SLC4A4: variants seen among roughly 807,000 people sequenced by gnomAD.
SLC4A4 encodes the protein solute carrier family 4 member 4.
SLC4A4 carries 27 observed loss-of-function variants against 111.5 expected under a neutral mutation model. That is an observed-to-expected ratio of 0.24 (90% confidence interval 0.18 to 0.33). The LOEUF is 0.33. SLC4A4 is among the 10% of genes least tolerant of loss of function. The pLI, the probability that SLC4A4 is intolerant of heterozygous loss-of-function variation, is 1.00. For missense variants in SLC4A4, 909 were observed against 1,315.5 expected (o/e 0.69, Z 4.78); for synonymous variants, 443 against 463.4 (o/e 0.96, Z 0.57).
chr4:71,100,727 G>A (rs1742704911), intron 2 of SLC4A4, among the ~76,000 whole-genome samples: 1 of 152,034 alleles, frequency 6.6e-6, no homozygotes, highest in African/African-American at 2.4e-5. Context: ...GCTCCTTCAG[G>A]TGATAAACAA....
chr4:71,232,779 T>C (rs1719524169), intron 1 of SLC4A4, among the ~76,000 whole-genome samples: 1 of 152,216 alleles, frequency 6.6e-6, no homozygotes, highest in Non-Finnish European at 1.5e-5. Flanking sequence ...CTAAACATTT[T>C]AGTTAGGAAA....
At chr4:71,257,666 G>A (rs1419143343) in intron 3 of SLC4A4, among the ~76,000 whole-genome samples, 2 of 152,158 alleles carry the variant, frequency 1.3e-5, no homozygotes, top group African/African-American at 2.4e-5. Flanking sequence ...CCACATAACA[G>A]TTTCTGTTGT....
chr4:71,255,440 T>C (rs767902952), intron 3 of SLC4A4, 41 bp downstream of exon 3: 4 of 1,599,934 alleles, frequency 2.5e-6, no homozygotes, highest in South Asian at 2.2e-5. Flanking sequence ...TCTGCCTCAC[T>C]CCCACATCTT....
At chr4:71,197,214 C>A (rs1464358925) in intron 1 of SLC4A4, among the ~76,000 whole-genome samples, 1 of 151,750 alleles carries the variant, frequency 6.6e-6, no homozygotes, top group Non-Finnish European at 1.5e-5. Flanking sequence ...GATTCCGTCT[C>A]AAAAAAACAA....
In SLC4A4 at chr4:71,450,481, T is replaced by C. The variant is rs1577934521; in HGVS notation, c.1146T>C (p.Pro382=). ...EFLDEVIVLP[P]GEWDPAIRIE... is the part of the protein sequence containing the mutation. ...TAGATGAAGTCATCGTCCTTCCACC[T>C]GGGGAATGGGATCCAGCAATTAGGA... is the stretch of plus-strand genomic sequence containing the variant. Residue 382 remains proline, a synonymous_variant, in exon 10 of 26, where the codon CCT becomes CCC. Transcript: ENST00000264485. 1 of 1,613,878 alleles carries C rather than the reference T, an allele frequency of 6.2e-7. No individual in the cohort carries two copies. The highest frequency in any genetic ancestry group is 2.2e-5 in the East Asian group (1 of 44,822).
At chr4:71,326,865 AC>A (rs1396863466) in intron 3 of SLC4A4, among the ~76,000 whole-genome samples, 1 of 152,058 alleles carries the variant, frequency 6.6e-6, no homozygotes, top group Non-Finnish European at 1.5e-5. Context: ...CTACCTACAA[AC>A]TTTTGTCTCA....
chr4:71,067,112 T>A (rs1201860988), intron 1 of SLC4A4, among the ~76,000 whole-genome samples: 2 of 140,604 alleles, frequency 1.4e-5, no homozygotes, highest in African/African-American at 2.7e-5. Flanking sequence ...AATGGGGAAG[T>A]CTCTCACACA....
chr4:71,106,809 A>G (rs1193782990), intron 2 of SLC4A4, among the ~76,000 whole-genome samples: 6 of 142,886 alleles, frequency 4.2e-5, no homozygotes, highest in Non-Finnish European at 6.1e-5. Context: ...GCATTGGGAG[A>G]TATACCTAAT....
chr4:71,225,986 A>G (rs1349030068), intron 1 of SLC4A4, among the ~76,000 whole-genome samples: 1 of 152,226 alleles, frequency 6.6e-6, no homozygotes, highest in African/African-American at 2.4e-5. Context: ...GCTTATATTG[A>G]CATTTTGAAT....
rs1736614449 is a variant in SLC4A4, at chr4:71,557,898, T to A, written c.2937+13T>A. The A allele has an allele frequency of 6.3e-7, 1 of 1,595,816 alleles. No individual in the cohort carries two copies. The highest frequency in any genetic ancestry group is 1.1e-5 in the South Asian group (1 of 90,786). ...TTTTCCAGTAATGGTAGGGATTCCT[T>A]TAATTGAACGTACCTGTGAGATTAT... is the stretch of plus-strand genomic sequence containing the variant. On this transcript the variant is annotated intron_variant, in intron 22 of 25. Transcript: ENST00000264485.
chr4:71,425,877 C>G (rs1388234644), intron 7 of SLC4A4, among the ~76,000 whole-genome samples: 2 of 151,906 alleles, frequency 1.3e-5, no homozygotes, highest in Non-Finnish European at 2.9e-5. Context: ...TAGCAGGCTT[C>G]AGAGAGAATA....
intron 4 of SLC4A4, among the ~76,000 whole-genome samples, chr4:71,341,234 A>G (rs1272475553): frequency 2.0e-5 from 3 of 152,198 alleles, no homozygotes; most frequent in Non-Finnish European, 4.4e-5. Context: ...AGGATCTTAC[A>G]TAGATCTCTA....
intron 7 of SLC4A4, among the ~76,000 whole-genome samples, chr4:71,402,105 A>C (rs1720420963): frequency 6.6e-6 from 1 of 152,134 alleles, no homozygotes; most frequent in Non-Finnish European, 1.5e-5. Flanking sequence ...CTTGTGTTTG[A>C]AGTCTTGGTC....
chr4:71,446,585 C>T lies in SLC4A4; in HGVS notation c.966-1061C>T, dbSNP rs530043909. Among the ~76,000 whole-genome samples the T allele has an allele frequency of 4.6e-5, 7 of 152,328 alleles. No individual in the cohort carries two copies. In the South Asian group the frequency reaches 1.4e-3, roughly 32 times the overall value. On this transcript the variant is annotated intron_variant, in intron 8 of 25. Transcript: ENST00000264485. ...TCTTGGGCTCTTCCATTAACCTCCA[C>T]CAGCCTCATTTTCCTCACCATTAAA... is the stretch of plus-strand genomic sequence containing the variant.
intron 3 of SLC4A4, among the ~76,000 whole-genome samples, chr4:71,332,490 G>C (rs1055517697): frequency 1.3e-5 from 2 of 150,252 alleles, no homozygotes; most frequent in Non-Finnish European, 3.0e-5. Flanking sequence ...TGTCGCCCAG[G>C]CGGGAGTGCT....
At chr4:71,462,654 C>T (rs1179784771) in intron 12 of SLC4A4, among the ~76,000 whole-genome samples, 1 of 152,038 alleles carries the variant, frequency 6.6e-6, no homozygotes, top group Non-Finnish European at 1.5e-5. Flanking sequence ...GGTGATCTGT[C>T]CACCTGAGCC....
rs551138324 is a variant in SLC4A4, at chr4:71,207,304, C to A, written c.-2+19903C>A. On this transcript the variant is annotated intron_variant, in intron 1 of 25. Coordinates refer to ENST00000264485, the MANE Select transcript of SLC4A4 (RefSeq NM_001098484.3). ...CTGAAGTCTCCTGGAAATGTTTCAT[C>A]TGCTTTAGTATGTCTAGACAGATGG... 1.6e-4 allele frequency among the ~76,000 whole-genome samples: 25 copies of A among 152,274 alleles called. 1 individual carries two copies. Among genetic ancestry groups the A allele is most frequent in the Admixed American group, 7.2e-4 (11 of 15,298 alleles).
intron 20 of SLC4A4, 65 bp from the exon 21 acceptor site, chr4:71,555,075 A>T: frequency 2.4e-3 from 2,185 of 920,038 alleles, no homozygotes; most frequent in Non-Finnish European, 3.7e-3. Flanking sequence ...TATTTAAATG[A>T]TTCCTCTTCA....
At chr4:71,237,469 C>T (rs2149038927) in intron 2 of SLC4A4, among the ~76,000 whole-genome samples, 1 of 152,212 alleles carries the variant, frequency 6.6e-6, no homozygotes, top group African/African-American at 2.4e-5. Flanking sequence ...GCAGGTGAAT[C>T]ATGTGATCAA....
Sources: allele counts gnomAD v4.1 joint callset (sites outside exome capture counted in the v4.1 genomes callset), GRCh38; gene constraint gnomAD v4.1.1; transcripts MANE v1.5; gene names NCBI Gene and HGNC (gene_info 2026-07-23, HGNC 2026-07-21).